GRK1: variants seen among roughly 807,000 people sequenced by gnomAD.
GRK1 encodes the protein rhodopsin kinase GRK1.
GRK1 carries 28 observed loss-of-function variants against 41.7 expected under a neutral mutation model. That is an observed-to-expected ratio of 0.67 (90% confidence interval 0.50 to 0.92). The LOEUF is 0.92. GRK1 is among the 40% of genes least tolerant of loss of function. The pLI is 0.00. For missense variants in GRK1, 703 were observed against 671.2 expected, an observed-to-expected ratio of 1.05 and a Z score of -0.52; for synonymous variants, 327 against 286.7, an observed-to-expected ratio of 1.14 and a Z score of -1.42.
At chr13:113,651,537 T>C in the GRK1 span, 31 of 1,029,656 alleles carry the variant, frequency 3.0e-5, no homozygotes, top group Non-Finnish European at 3.8e-5. Flanking sequence ...TGGTTCGGTG[T>C]TTACGTCTGG....
upstream of GRK1, among the ~76,000 whole-genome samples, chr13:113,663,915 G>T (rs750786776): frequency 7.9e-5 from 12 of 152,134 alleles, no homozygotes; most frequent in Non-Finnish European, 1.8e-4. Context: ...GTGCAATTAC[G>T]ACACTTTTAG....
rs953666331 is a variant in GRK1, at chr13:113,731,115, C to T, written c.1070-104C>T. ...GCCCCAAATGTGGAGAGTGCTGAGG[C>T]CCCGGGGGGGATGCATCCCCAGAGC... is the stretch of plus-strand genomic sequence containing the variant. On this transcript the variant is annotated intron_variant, in intron 4 of 6. Transcript: ENST00000335678. The surrounding 1 kb of genome is among the most constrained non-coding windows in gnomAD (Gnocchi z 5.6). 2.1e-6 allele frequency: 3 copies of T among 1,451,532 alleles called. No individual in the cohort carries two copies. In the African/African-American group the frequency reaches 4.2e-5, roughly 20 times the overall value. The allele number at this position is 1,451,532 out of a possible 1,614,324, so 89.9% of individuals were successfully genotyped here. A position where few individuals can be genotyped will look rare whatever the true frequency, so the allele number is the denominator to read the frequency against.
At chr13:113,651,432 G>A in the GRK1 span, among the ~76,000 whole-genome samples, 11 of 152,202 alleles carry the variant, frequency 7.2e-5, no homozygotes, top group Non-Finnish European at 1.5e-4. Context: ...CTGCTGACAC[G>A]CTACTCAGAT....
chr13:113,734,011 T>C (rs531978787), intron 6 of GRK1, among the ~76,000 whole-genome samples: 26,972 of 146,890 alleles, frequency 0.18, 3,322 homozygotes, highest in African/African-American at 0.34. Flanking sequence ...TGCGTGTGCG[T>C]GCATGTGTGT....
the GRK1 span, among the ~76,000 whole-genome samples, chr13:113,652,278 G>A: frequency 3.3e-5 from 5 of 152,350 alleles, no homozygotes; most frequent in African/African-American, 1.2e-4. Flanking sequence ...CGGCAGTGCT[G>A]AGACCCTGGC....
chr13:113,664,979 T>A (rs981532211), upstream of GRK1, among the ~76,000 whole-genome samples: 1 of 152,180 alleles, frequency 6.6e-6, no homozygotes, highest in Non-Finnish European at 1.5e-5. This position sits in a 1 kb window ranked among gnomAD's most constrained non-coding sequence, Gnocchi z 5.4. Context: ...AAATATTTAC[T>A]CGTGATCCAC....
At chr13:113,733,803 C>A (rs546029848) in intron 6 of GRK1, among the ~76,000 whole-genome samples, 1,556 of 70,746 alleles carry the variant, frequency 0.022, 61 homozygotes, top group African/African-American at 0.093. Context: ...GTATGTGTAT[C>A]TGTGTGCATA....
intron 6 of GRK1, among the ~76,000 whole-genome samples, chr13:113,733,725 G>A (rs1199751528): frequency 1.8e-5 from 2 of 113,430 alleles, no homozygotes; most frequent in African/African-American, 6.3e-5. Flanking sequence ...ACGTGTGTGT[G>A]CGCGCGTGTG....
At chr13:113,649,445 GCTCC>G in the GRK1 span, 1 of 1,577,172 alleles carries the variant, frequency 6.3e-7, no homozygotes, top group Admixed American at 1.8e-5. The surrounding 1 kb of genome is among the most constrained non-coding windows in gnomAD (Gnocchi z 4.7). Context: ...AAGGTCACGT[GCTCC>G]GCCATGACCT....
At chr13:113,735,002 T>G in intron 6 of GRK1, 66 bp from the exon 7 acceptor site, 1 of 1,416,966 alleles carries the variant, frequency 7.1e-7, no homozygotes, top group East Asian at 2.5e-5. Context: ...GAGGGGGCTT[T>G]TTGGCTAAAC....
the GRK1 span, chr13:113,653,507 TGAGGATAC>T: frequency 7.2e-7 from 1 of 1,397,780 alleles, no homozygotes; most frequent in African/African-American, 1.4e-5. Flanking sequence ...CTGAAGTGGC[TGAGGATAC>T]GCCAGAGGCG....
In GRK1 at chr13:113,671,329, G is replaced by C. The variant is rs185469607; in HGVS notation, c.828-170G>C. Among the ~76,000 whole-genome samples the C allele has an allele frequency of 6.6e-6, 1 of 152,192 alleles. No individual in the cohort carries two copies. Among genetic ancestry groups the C allele is most frequent in the Non-Finnish European group, 1.5e-5 (1 of 68,028 alleles). ...TCAGGGTCCCTGAGCTGCTAACGCC[G>C]CCAGCCACCATGGCCTTCGGGTGTC... On this transcript the variant is annotated intron_variant, in intron 2 of 6. Transcript: ENST00000335678. The surrounding 1 kb of genome is among the most constrained non-coding windows in gnomAD (Gnocchi z 4.1).
chr13:113,652,885 A>T, the GRK1 span: 1 of 1,613,880 alleles, frequency 6.2e-7, no homozygotes, highest in Non-Finnish European at 8.5e-7. Context: ...TGTTCATTTT[A>T]ATAATAAAAC....
At chr13:113,734,036 A>ATGTGTGTGTGCATACGTG (rs2049982877) in intron 6 of GRK1, among the ~76,000 whole-genome samples, 1 of 107,856 alleles carries the variant, frequency 9.3e-6, no homozygotes, top group African/African-American at 3.3e-5. Flanking sequence ...GCGTGTGCGT[A>ATGTGTGTGTGCATACGTG]TGTGTGTGTG....
chr13:113,650,507 C>G, the GRK1 span: 2 of 1,610,006 alleles, frequency 1.2e-6, no homozygotes, highest in Non-Finnish European at 8.5e-7. The surrounding 1 kb of genome is among the most constrained non-coding windows in gnomAD (Gnocchi z 5.0). Context: ...CGGGGCTGGT[C>G]CTGGGGAGGA....
At chr13:113,733,871 GTGTGTGCATACGTGTGTGCGTGTGTGTA>G (rs2049971881) in intron 6 of GRK1, among the ~76,000 whole-genome samples, 1 of 124,716 alleles carries the variant, frequency 8.0e-6, no homozygotes, top group South Asian at 2.5e-4. Flanking sequence ...ACGTGTGTGC[GTGTGTGCATACGTGTGTGCGTGTGTGTA>G]TGTGTGCATA....
chr13:113,651,588 T>A, the GRK1 span: 5 of 1,397,188 alleles, frequency 3.6e-6, no homozygotes, highest in South Asian at 4.7e-5. Context: ...GAGAACCAGG[T>A]GGGCCGTGCC....
Position 113,737,333 on chromosome 13 carries a change from C to T in GRK1, c.*1970C>T, listed in dbSNP as rs531462613. The T allele has an allele frequency of 6.5e-5, 9 of 138,322 alleles. No homozygotes were observed. The highest frequency in any genetic ancestry group is 2.3e-4 in the African/African-American group (8 of 34,842). The allele number at this position is 138,322 out of a possible 1,614,324, so 8.6% of individuals were successfully genotyped here. ...GAGGAGCACGTCTTCCCATAGATCCCACATCGGCCACACCCTGGGTGAGGA... is the reference window on the plus strand; with the variant it reads ...GAGGAGCACGTCTTCCCATAGATCCTACATCGGCCACACCCTGGGTGAGGA... On this transcript the variant is annotated 3_prime_UTR_variant, in exon 7 of 7. Transcript: ENST00000335678.
chr13:113,670,214 A>T (rs1349902834), intron 2 of GRK1, among the ~76,000 whole-genome samples: 1 of 152,098 alleles, frequency 6.6e-6, no homozygotes, highest in Non-Finnish European at 1.5e-5. Flanking sequence ...TGGAGACAAG[A>T]TCAGTCCAGC....
Sources: allele counts gnomAD v4.1 joint callset (sites outside exome capture counted in the v4.1 genomes callset), GRCh38; gene constraint gnomAD v4.1.1; non-coding constraint Gnocchi (gnomAD v3.1); transcripts MANE v1.5; gene names NCBI Gene and HGNC (gene_info 2026-07-23, HGNC 2026-07-21).